P2RY8: variants seen among roughly 807,000 people sequenced by gnomAD.
P2RY8 encodes the protein P2Y receptor family member 8.
A neutral mutation model predicts 10.0 loss-of-function variants in P2RY8; 6 were observed. That is an observed-to-expected ratio of 0.60 (90% CI 0.33 to 1.19). The LOEUF is 1.19. Ranked by LOEUF, P2RY8 falls within the 50% of genes most tolerant of loss-of-function variation. The probability of loss-of-function intolerance (pLI) is 0.04; values close to 1 mark genes in which losing one functional copy is unlikely to be tolerated. For synonymous variants in P2RY8, 276 were observed against 252.5 expected, an observed-to-expected ratio of 1.09 and a Z score of -0.88; for missense variants, 456 against 542.0, an observed-to-expected ratio of 0.84 and a Z score of 1.58.
chrX:1,506,923 A>T (rs1370131511), intron 1 of P2RY8, among the ~76,000 whole-genome samples: 1 of 134,734 alleles, frequency 7.4e-6, no homozygotes, highest in East Asian at 2.4e-4. Context: ...TGATCCGCCC[A>T]CCTAGGCCTC....
At chrX:1,477,687 C>A (rs1243345633) in intron 1 of P2RY8, among the ~76,000 whole-genome samples, 1 of 152,146 alleles carries the variant, frequency 6.6e-6, no homozygotes, top group Non-Finnish European at 1.5e-5. Context: ...CAACACCCTA[C>A]AGTACACAGG....
chrX:1,466,147 G>C lies in P2RY8; in HGVS notation c.412C>G (p.Arg138Gly), dbSNP rs1191070644. 2 of 1,611,986 alleles carry C rather than the reference G, an allele frequency of 1.2e-6. No individual in the cohort carries two copies. The highest frequency in any genetic ancestry group is 8.5e-7 in the Non-Finnish European group (1 of 1,179,288). Residue 138 changes from arginine to glycine, a missense_variant, in exon 2 of 2, where the codon CGT becomes GGT. Transcript: ENST00000381297. ...PLSSKRWRRR[R>G]YAVAACAGTW... ...CCTGCACACGCGGCCACCGCGTAAC[G>C]ACGGCGGCGCCAGCGCTTGGAGCTG...
rs1269714840 is a variant in P2RY8 at position 1,500,637 on chromosome X, G to T, written c.-24-34055C>A. 5.9e-5 allele frequency among the ~76,000 whole-genome samples: 9 copies of T among 152,014 alleles called. No individual in the cohort carries two copies. The East Asian group carries it at 1.2e-3, about 20-fold the overall frequency. ...TTTTTGTATTTTTGGTAGAGACGGG[G>T]TTTCTACTAAATGTTGGCCAGGCTG... is the stretch of plus-strand genomic sequence containing the variant. On this transcript the variant is annotated intron_variant, in intron 1 of 1. Transcript: ENST00000381297.
intron 1 of P2RY8, among the ~76,000 whole-genome samples, chrX:1,518,933 ATAATCTTCCTGCCCCCAG>A (rs1224243819): frequency 1.3e-5 from 2 of 151,832 alleles, no homozygotes; most frequent in Non-Finnish European, 2.9e-5. Flanking sequence ...TTGGCCCCCA[ATAATCTTCCTGCCCCCAG>A]TAATCTCCCT....
At chrX:1,490,824 G>A (rs1240456714) in intron 1 of P2RY8, among the ~76,000 whole-genome samples, 1 of 149,298 alleles carries the variant, frequency 6.7e-6, no homozygotes, top group Non-Finnish European at 1.5e-5. Context: ...CCCTGCAAAT[G>A]TGGGGGGAAT....
chrX:1,509,374 T>TCTA (rs1556682675), intron 1 of P2RY8, among the ~76,000 whole-genome samples: 5 of 131,214 alleles, frequency 3.8e-5, no homozygotes, highest in South Asian at 2.5e-4. Flanking sequence ...CATCCATCTA[T>TCTA]TCTATCTATC....
intron 1 of P2RY8, among the ~76,000 whole-genome samples, chrX:1,509,720 T>G (rs1434879615): frequency 7.4e-6 from 1 of 135,124 alleles, no homozygotes; most frequent in African/African-American, 3.0e-5. Flanking sequence ...ATTCTATCTA[T>G]GCATCTATGT....
chrX:1,505,811 C>CACAAAAA (rs1375826055), intron 1 of P2RY8, among the ~76,000 whole-genome samples: 1 of 151,836 alleles, frequency 6.6e-6, no homozygotes, highest in African/African-American at 2.4e-5. Context: ...AACAATAAAA[C>CACAAAAA]ACAAAAAACA....
At chrX:1,516,548 C>A (rs1441001203) in intron 1 of P2RY8, among the ~76,000 whole-genome samples, 1 of 150,318 alleles carries the variant, frequency 6.7e-6, no homozygotes, top group Non-Finnish European at 1.5e-5. Flanking sequence ...GACACAGACA[C>A]ACACAGAGGG....
In P2RY8 at chrX:1,537,134, A is replaced by G; in HGVS notation, c.-238T>C. 1 of 232,754 alleles carries G rather than the reference A, an allele frequency of 4.3e-6. No homozygotes were observed. Among genetic ancestry groups the G allele is most frequent in the Non-Finnish European group, 8.5e-6 (1 of 117,776 alleles). 14.4% of individuals were successfully genotyped at this position (232,754 alleles called of 1,614,324 possible). ...GTTCCATCTGTCCAGCAACCTTGCAAAGGCGGCCGCTTCGCTGGGTGGCCC... is the reference window on the plus strand; with the variant it reads ...GTTCCATCTGTCCAGCAACCTTGCAGAGGCGGCCGCTTCGCTGGGTGGCCC... On this transcript the variant is annotated 5_prime_UTR_variant, in exon 1 of 2. Transcript: ENST00000381297.
In P2RY8 at chrX:1,463,606, A is replaced by G; in HGVS notation, c.*1873T>C. On this transcript the variant is annotated 3_prime_UTR_variant, in exon 2 of 2. Transcript: ENST00000381297. ...CACATGCAAAGTTCCTTATTACCGAATAAAATCTATAATAATTTCAGGTTC... is the reference window on the plus strand; with the variant it reads ...CACATGCAAAGTTCCTTATTACCGAGTAAAATCTATAATAATTTCAGGTTC... 1 of 233,020 alleles carries G rather than the reference A, an allele frequency of 4.3e-6. No individual in the cohort carries two copies. The highest frequency in any genetic ancestry group is 8.5e-6 in the Non-Finnish European group (1 of 117,906). The allele number at this position is 233,020 out of a possible 1,614,324, so 14.4% of individuals were successfully genotyped here.
At chrX:1,478,985 C>T (rs779449623) in intron 1 of P2RY8, among the ~76,000 whole-genome samples, 3 of 152,228 alleles carry the variant, frequency 2.0e-5, no homozygotes, top group Admixed American at 2.0e-4. Flanking sequence ...TCCCACATTC[C>T]AAGTCCCCTC....
chrX:1,467,533 G>C (rs28680859), intron 1 of P2RY8, among the ~76,000 whole-genome samples: 68,866 of 152,028 alleles, frequency 0.45, 16,597 homozygotes, highest in South Asian at 0.56. Flanking sequence ...GTTCCGCTTG[G>C]TGTGGCCGTG....
At chrX:1,487,921 T>C (rs1393204900) in intron 1 of P2RY8, among the ~76,000 whole-genome samples, 2 of 152,006 alleles carry the variant, frequency 1.3e-5, no homozygotes, top group Non-Finnish European at 2.9e-5. Context: ...CCATCCTGGC[T>C]AACACGGTGA....
rs1342883200 is a variant in P2RY8, at chrX:1,475,760, T to C, written c.-24-9178A>G. ...AGACAAGGATCTCAAGACTTGAAGA[T>C]ATAAAGACGGCACTGCAAAGCAATA... On this transcript the variant is annotated intron_variant, in intron 1 of 1. Coordinates refer to ENST00000381297, the MANE Select transcript of P2RY8 (RefSeq NM_178129.5). Among the ~76,000 whole-genome samples the C allele has an allele frequency of 3.3e-5, 5 of 152,216 alleles. No homozygotes were observed. In the South Asian group the frequency reaches 8.3e-4, roughly 25 times the overall value.
chrX:1,492,237 CAA>C (rs1438063262), intron 1 of P2RY8, among the ~76,000 whole-genome samples: 3 of 152,026 alleles, frequency 2.0e-5, no homozygotes, highest in Non-Finnish European at 4.4e-5. Flanking sequence ...GTCAATCACC[CAA>C]GAGAGGGGTG....
chrX:1,533,443 A>G (rs2092495390), intron 1 of P2RY8, among the ~76,000 whole-genome samples: 1 of 143,744 alleles, frequency 7.0e-6, no homozygotes, highest in African/African-American at 2.5e-5. Context: ...TTTATTATTT[A>G]AATATATTGT....
chrX:1,519,690 C>T lies in P2RY8; in HGVS notation c.-25+17231G>A, dbSNP rs191979081. Among the ~76,000 whole-genome samples, 392 of 151,800 alleles carry T rather than the reference C, an allele frequency of 2.6e-3. 2 individuals are homozygous for T. Among genetic ancestry groups the T allele is most frequent in the African/African-American group, 8.5e-3 (352 of 41,378 alleles). ...ATATTCTCTCTGATCCACAATCATCCCCTTGGTCCCTAATCATCTCTCTGG... is the reference window on the plus strand; with the variant it reads ...ATATTCTCTCTGATCCACAATCATCTCCTTGGTCCCTAATCATCTCTCTGG... On this transcript the variant is annotated intron_variant, in intron 1 of 1. Transcript: ENST00000381297.
intron 1 of P2RY8, among the ~76,000 whole-genome samples, chrX:1,495,581 T>C (rs1427587464): frequency 7.0e-6 from 1 of 143,736 alleles, no homozygotes. Flanking sequence ...GGAGAATCAA[T>C]GTTTGTTGTT....
Sources: allele counts gnomAD v4.1 joint callset (sites outside exome capture counted in the v4.1 genomes callset), GRCh38; gene constraint gnomAD v4.1.1; transcripts MANE v1.5; gene names NCBI Gene and HGNC (gene_info 2026-07-23, HGNC 2026-07-21).